The following GABPB1 variants were observed in gnomAD, a reference collection of about 807,000 sequenced individuals.
GABPB1 encodes the protein GA-binding protein subunit beta-1.
In GABPB1, 15 loss-of-function variants were observed where a neutral mutation model predicts 45.9. The ratio of observed to expected loss-of-function variants is 0.33; its 90% CI spans 0.22 to 0.50. The LOEUF (loss-of-function observed/expected upper bound fraction) is 0.50. GABPB1 is among the 20% of genes least tolerant of loss of function. The pLI is 0.98. For missense variants in GABPB1, 252 were observed against 457.5 expected (o/e 0.55, Z 4.10); for synonymous variants, 143 against 154.4 (o/e 0.93, Z 0.55).
At chr15:50,308,271 A>G (rs989171314) in intron 2 of GABPB1, among the ~76,000 whole-genome samples, 16 of 152,222 alleles carry the variant, frequency 1.1e-4, no homozygotes, top group African/African-American at 3.9e-4. Flanking sequence ...AGCCTGGGGT[A>G]ATCCCTAGTC....
intron 1 of GABPB1, among the ~76,000 whole-genome samples, chr15:50,345,006 G>A (rs2048513172): frequency 6.6e-6 from 1 of 152,148 alleles, no homozygotes; most frequent in Non-Finnish European, 1.5e-5. Flanking sequence ...GAAATATCCA[G>A]TAAACTACTG....
chr15:50,298,524 C>T (rs1266258604), intron 6 of GABPB1, among the ~76,000 whole-genome samples: 2 of 152,206 alleles, frequency 1.3e-5, no homozygotes, highest in African/African-American at 4.8e-5. Context: ...ATAAAAGCAG[C>T]ATGTTAGTAT....
chr15:50,303,139 A>C lies in GABPB1; in HGVS notation c.277-16T>G. ...CAGCACCATGCTACAAAAATATTTCAAAGAGTTTACTAAAATATGAAATAT... is the reference window on the plus strand; with the variant it reads ...CAGCACCATGCTACAAAAATATTTCCAAGAGTTTACTAAAATATGAAATAT... On this transcript the variant is annotated splice_polypyrimidine_tract_variant and intron_variant, in intron 3 of 8. Transcript: ENST00000380877. The C allele has an allele frequency of 6.4e-7, 1 of 1,569,174 alleles. No homozygotes were observed. Among genetic ancestry groups the C allele is most frequent in the African/African-American group, 1.4e-5 (1 of 73,152 alleles).
At chr15:50,348,003 A>G (rs1225470779) in intron 1 of GABPB1, among the ~76,000 whole-genome samples, 5 of 145,984 alleles carry the variant, frequency 3.4e-5, no homozygotes, top group Non-Finnish European at 6.0e-5. Context: ...AGATCACACC[A>G]CTGCACTCCA....
chr15:50,342,101 G>A (rs566499362), intron 1 of GABPB1, among the ~76,000 whole-genome samples: 26 of 152,142 alleles, frequency 1.7e-4, no homozygotes, highest in Non-Finnish European at 3.7e-4. Context: ...TTCCCCTCCC[G>A]AACTTACCTA....
chr15:50,299,124 T>C (rs2046633701), intron 6 of GABPB1, among the ~76,000 whole-genome samples: 1 of 152,028 alleles, frequency 6.6e-6, no homozygotes. Flanking sequence ...GCAGAGAGAG[T>C]AAGCATTTGA....
intron 1 of GABPB1, among the ~76,000 whole-genome samples, chr15:50,324,614 G>A (rs1014109349): frequency 7.6e-5 from 11 of 144,852 alleles, no homozygotes; most frequent in Non-Finnish European, 1.0e-4. Context: ...GGGCAATCTC[G>A]GCTCACTGCA....
At chr15:50,285,968 G>C (rs2140976230) in intron 8 of GABPB1, 100 bp downstream of exon 8, 1 of 1,510,654 alleles carries the variant, frequency 6.6e-7, no homozygotes, top group Non-Finnish European at 8.8e-7. Context: ...CTTTCATTCT[G>C]TATCAAAACA....
chr15:50,327,384 G>A (rs2047806241), intron 1 of GABPB1: 1 of 152,076 alleles, frequency 6.6e-6, no homozygotes, highest in Non-Finnish European at 1.5e-5. Flanking sequence ...ACATCACAAT[G>A]GTCTCTCAGC....
intron 2 of GABPB1, among the ~76,000 whole-genome samples, chr15:50,307,289 T>C (rs2046982323): frequency 6.6e-6 from 1 of 152,204 alleles, no homozygotes; most frequent in African/African-American, 2.4e-5. Context: ...TTACTTTGCA[T>C]TTGCCCCAAT....
At position 50,277,173 on chromosome 15, in the gene GABPB1, T is replaced by A. The variant is rs1369675292; in HGVS notation, c.*1459A>T. 8 of 152,206 alleles carry A rather than the reference T, an allele frequency of 5.3e-5. No homozygotes were observed. The highest frequency in any genetic ancestry group is 8.8e-5 in the Non-Finnish European group (6 of 68,040). The allele number at this position is 152,206 out of a possible 1,614,324, so 9.4% of individuals were successfully genotyped here. A position where few individuals can be genotyped will look rare whatever the true frequency, so the allele number is the denominator to read the frequency against. On this transcript the variant is annotated 3_prime_UTR_variant, in exon 9 of 9. Transcript: ENST00000380877. ...ATGTTGTGGAGAGTATAAAATATTT[T>A]CATATGGTGGCTCAAATATGCAGTA...
intron 1 of GABPB1, among the ~76,000 whole-genome samples, chr15:50,341,917 G>A (rs1040233531): frequency 5.3e-5 from 8 of 152,210 alleles, no homozygotes; most frequent in Non-Finnish European, 1.0e-4. Context: ...TAAATAAGTG[G>A]TAACTCCAAC....
At chr15:50,325,544 T>C (rs954184123) in intron 1 of GABPB1, among the ~76,000 whole-genome samples, 2 of 152,210 alleles carry the variant, frequency 1.3e-5, no homozygotes, top group African/African-American at 4.8e-5. Flanking sequence ...TTTGTTTTTT[T>C]TTCTTGAGAT....
chr15:50,286,623 CT>C (rs1051429093), intron 7 of GABPB1, among the ~76,000 whole-genome samples: 2 of 152,066 alleles, frequency 1.3e-5, no homozygotes, highest in African/African-American at 4.8e-5. Flanking sequence ...ATATATTGTT[CT>C]GCATCTGCTT....
At chr15:50,345,094 T>C (rs764572610) in intron 1 of GABPB1, among the ~76,000 whole-genome samples, 11 of 152,064 alleles carry the variant, frequency 7.2e-5, no homozygotes, top group Non-Finnish European at 1.2e-4. Context: ...AATCAAGTAC[T>C]GATGAGACTA....
At chr15:50,353,394 T>C (rs2048932437) in intron 1 of GABPB1, 1 of 152,106 alleles carries the variant, frequency 6.6e-6, no homozygotes, top group Non-Finnish European at 1.5e-5. Context: ...TTTTTGGTTT[T>C]TTTTTTAAAA....
chr15:50,303,677 C>CAAAAAAAAA (rs371842725), intron 3 of GABPB1, among the ~76,000 whole-genome samples: 2 of 97,010 alleles, frequency 2.1e-5, no homozygotes, highest in Admixed American at 9.9e-5. Context: ...GATTCTGTCT[C>CAAAAAAAAA]AAAAAAAAAA....
In GABPB1 at chr15:50,342,504, A is replaced by T. The variant is rs1208352060; in HGVS notation, c.-1+12481T>A. Among the ~76,000 whole-genome samples the T allele has an allele frequency of 4.6e-5, 7 of 152,234 alleles. 1 individual carries two copies. The highest frequency in any genetic ancestry group is 7.3e-5 in the Non-Finnish European group (5 of 68,038). On this transcript the variant is annotated intron_variant, in intron 1 of 8. Transcript: ENST00000380877. ...CCTACACACAAAAATTAAAGGCAAG[A>T]TCTTTAACCAAAAATATTTCACAAA...
At chr15:50,311,887 T>C in intron 1 of GABPB1, among the ~76,000 whole-genome samples, 1 of 152,140 alleles carries the variant, frequency 6.6e-6, no homozygotes, top group East Asian at 1.9e-4. Flanking sequence ...TTTAGTAGAT[T>C]AGCTACGATG....
Sources: allele counts gnomAD v4.1 joint callset (sites outside exome capture counted in the v4.1 genomes callset), GRCh38; gene constraint gnomAD v4.1.1; transcripts MANE v1.5; gene names NCBI Gene and HGNC (gene_info 2026-07-23, HGNC 2026-07-21).